AP3B1: variants seen among roughly 807,000 people sequenced by gnomAD.
AP3B1 encodes the protein AP-3 complex subunit beta-1.
AP3B1 carries 61 observed loss-of-function variants against 132.5 expected under a neutral mutation model. The observed-to-expected ratio is 0.46, with a 90% CI of 0.37 to 0.57. AP3B1 has a LOEUF of 0.57. Among genes scored for constraint, AP3B1 ranks in the 20% least tolerant of loss-of-function variants. AP3B1 has a pLI of 0.00. For synonymous variants in AP3B1, 388 were observed against 438.3 expected, an observed-to-expected ratio of 0.89 and a Z score of 1.43; for missense variants, 1,120 against 1,289.4, an observed-to-expected ratio of 0.87 and a Z score of 2.01.
intron 21 of AP3B1, among the ~76,000 whole-genome samples, chr5:78,096,685 C>A (rs1216698450): frequency 3.3e-5 from 5 of 151,364 alleles, no homozygotes; most frequent in Non-Finnish European, 5.9e-5. Flanking sequence ...AGGTGAGGAG[C>A]GTCTCTGCCC....
chr5:78,015,762 CA>C, intron 25 of AP3B1: 1 of 515,104 alleles, frequency 1.9e-6, no homozygotes, highest in Non-Finnish European at 3.4e-6. Flanking sequence ...TGTAAAAATT[CA>C]GTAAAAAATC....
Position 78,294,649 on chromosome 5 carries a change from G to A in AP3B1, c.-70C>T. 3 of 1,608,516 alleles carry A rather than the reference G, an allele frequency of 1.9e-6. No homozygotes were observed. Among genetic ancestry groups the A allele is most frequent in the Middle Eastern group, 1.6e-4 (1 of 6,062 alleles). ...TCTCCAAAAGGTTCCAGTCCAGAGG[G>A]CACGGAACAAAACTAGTTCTCGTAC... On this transcript the variant is annotated 5_prime_UTR_variant, in exon 1 of 27. Coordinates refer to ENST00000255194, the MANE Select transcript of AP3B1 (RefSeq NM_003664.5).
chr5:78,194,720 G>A, intron 7 of AP3B1, among the ~76,000 whole-genome samples: 1 of 152,160 alleles, frequency 6.6e-6, no homozygotes, highest in East Asian at 1.9e-4. Context: ...AATTCTAAGT[G>A]ACTATGCTAA....
At chr5:78,264,408 A>T (rs1332870050) in intron 2 of AP3B1, among the ~76,000 whole-genome samples, 5 of 152,202 alleles carry the variant, frequency 3.3e-5, no homozygotes, top group Non-Finnish European at 7.4e-5. Flanking sequence ...AACTCTTAAG[A>T]ATCAACAGTC....
At chr5:78,263,605 G>A (rs1272925925) in intron 2 of AP3B1, among the ~76,000 whole-genome samples, 2 of 152,306 alleles carry the variant, frequency 1.3e-5, no homozygotes, top group Non-Finnish European at 1.5e-5. Context: ...TTTCACTACT[G>A]AGTGTGATGC....
chr5:78,049,027 C>A (rs1311580590), intron 22 of AP3B1, among the ~76,000 whole-genome samples: 1 of 152,284 alleles, frequency 6.6e-6, no homozygotes, highest in Non-Finnish European at 1.5e-5. Context: ...ATCTGTAGGT[C>A]AAAAACAGTC....
chr5:78,118,451 T>C (rs1179425045), intron 17 of AP3B1, among the ~76,000 whole-genome samples: 1 of 152,232 alleles, frequency 6.6e-6, no homozygotes, highest in Admixed American at 6.5e-5. Context: ...AGACGGCACC[T>C]GGAAAATCGG....
chr5:78,013,348 A>C (rs1746700535), intron 26 of AP3B1, among the ~76,000 whole-genome samples: 1 of 152,124 alleles, frequency 6.6e-6, no homozygotes, highest in African/African-American at 2.4e-5. Context: ...CCCAGCCTTG[A>C]CATTTTTTCT....
intron 20 of AP3B1, among the ~76,000 whole-genome samples, chr5:78,109,209 C>T (rs1751471715): frequency 6.6e-6 from 1 of 151,910 alleles, no homozygotes; most frequent in Non-Finnish European, 1.5e-5. Flanking sequence ...AATATAAATT[C>T]AAGTTTAAGA....
chr5:78,027,387 A>C (rs1304356961), intron 24 of AP3B1, among the ~76,000 whole-genome samples: 1 of 152,098 alleles, frequency 6.6e-6, no homozygotes, highest in South Asian at 2.1e-4. Flanking sequence ...AAATTTCTAC[A>C]TTTCTAAATT....
At chr5:78,158,714 T>C (rs1290822510) in intron 13 of AP3B1, among the ~76,000 whole-genome samples, 4 of 151,998 alleles carry the variant, frequency 2.6e-5, no homozygotes, top group Admixed American at 1.3e-4. Flanking sequence ...TTTTTTTTTT[T>C]TTGAGATGTT....
intron 22 of AP3B1, among the ~76,000 whole-genome samples, chr5:78,079,803 T>A (rs138195290): frequency 3.2e-4 from 49 of 152,268 alleles, no homozygotes; most frequent in African/African-American, 1.0e-3. Context: ...ACTTTAAAAA[T>A]CTGAATGACA....
At chr5:78,287,520 C>T (rs1012905058) in intron 1 of AP3B1, among the ~76,000 whole-genome samples, 1 of 151,824 alleles carries the variant, frequency 6.6e-6, no homozygotes, top group Non-Finnish European at 1.5e-5. Flanking sequence ...TAAATGGAAC[C>T]CTACTGCACC....
Position 78,181,657 on chromosome 5 carries a change from A to G in AP3B1, c.792T>C (p.Asp264=), listed in dbSNP as rs1349065789. 5 of 1,611,802 alleles carry G rather than the reference A, an allele frequency of 3.1e-6. No individual in the cohort carries two copies. The highest frequency in any genetic ancestry group is 4.2e-6 in the Non-Finnish European group (5 of 1,179,368). The change falls in exon 8 of 27, where the codon GAT becomes GAC. Residue 264 remains aspartate, a synonymous_variant. Transcript: ENST00000255194. ...AATTCTTTCCATTGTCTTCTAATTC[A>G]TCACCCTACAATGAAAGAAATCCAA... ...TQFVSPWKEG[D]ELEDNGKNFY...
chr5:78,212,333 A>T (rs1363583772), intron 7 of AP3B1, among the ~76,000 whole-genome samples: 2 of 152,186 alleles, frequency 1.3e-5, no homozygotes, highest in Non-Finnish European at 2.9e-5. Flanking sequence ...ATAAGCCATT[A>T]AGTATAAAGC....
intron 22 of AP3B1, among the ~76,000 whole-genome samples, chr5:78,057,567 T>C (rs34322229): frequency 7.2e-5 from 11 of 152,184 alleles, no homozygotes; most frequent in Non-Finnish European, 1.2e-4. Context: ...AATAAGCCTT[T>C]AAAACATCTA....
Position 78,116,116 on chromosome 5 carries a change from TA to T in AP3B1, c.2077+9del, listed in dbSNP as rs1396078710. On this transcript the variant is annotated intron_variant, in intron 18 of 26. Transcript: ENST00000255194. ...GTAAATAATATATGCCAATAAATTA[TA>T]AAACCCACCACTGTCACTGCTACTA... The T allele has an allele frequency of 6.3e-7, 1 of 1,589,508 alleles. No individual in the cohort carries two copies. The highest frequency in any genetic ancestry group is 1.7e-5 in the Admixed American group (1 of 59,986).
At chr5:78,283,764 C>G (rs1749157913) in intron 1 of AP3B1, among the ~76,000 whole-genome samples, 2 of 152,222 alleles carry the variant, frequency 1.3e-5, no homozygotes, top group Admixed American at 1.3e-4. Flanking sequence ...TCCAGTATCA[C>G]AGAATTCTAG....
chr5:78,165,647 T>C lies in AP3B1; in HGVS notation c.1193A>G (p.Asn398Ser), dbSNP rs759936403. Residue 398 changes from asparagine to serine, a missense_variant, in exon 12 of 27, where the codon AAT (asparagine) becomes AGT (serine). Physicochemically the swap from Asn to Ser is conservative, Grantham distance 46. Coordinates refer to ENST00000255194, the MANE Select transcript of AP3B1 (RefSeq NM_003664.5). Reference protein sequence around the residue: ...LKLEILTNLANEANISTLLRE... With the variant: ...LKLEILTNLASEANISTLLRE... ...AAGAAGAGTTGATATGTTGGCTTCATTTGCCAAGTTTGTCAAAATTTCAAG... is the reference window on the plus strand; with the variant it reads ...AAGAAGAGTTGATATGTTGGCTTCACTTGCCAAGTTTGTCAAAATTTCAAG... 5.0e-6 allele frequency: 8 copies of C among 1,608,686 alleles called. No individual in the cohort carries two copies. The highest frequency in any genetic ancestry group is 6.8e-6 in the Non-Finnish European group (8 of 1,176,294).
Sources: allele counts gnomAD v4.1 joint callset (sites outside exome capture counted in the v4.1 genomes callset), GRCh38; gene constraint gnomAD v4.1.1; transcripts MANE v1.5; gene names NCBI Gene and HGNC (gene_info 2026-07-23, HGNC 2026-07-21).